CNOT9: variants seen among roughly 807,000 people sequenced by gnomAD.
The protein encoded by CNOT9 is CCR4-NOT transcription complex subunit 9.
In CNOT9, 8 loss-of-function variants were observed where a neutral mutation model predicts 37.4. The observed-to-expected ratio is 0.21, with a 90% CI of 0.13 to 0.39. The LOEUF (loss-of-function observed/expected upper bound fraction) is 0.39, where lower values mean the gene tolerates loss of function less well. CNOT9 is among the 10% of genes least tolerant of loss of function. CNOT9 has a pLI of 1.00. For missense variants in CNOT9, 154 were observed against 365.3 expected, an observed-to-expected ratio of 0.42 and a Z score of 4.71; for synonymous variants, 120 against 137.6, an observed-to-expected ratio of 0.87 and a Z score of 0.90.
In CNOT9 at chr2:218,592,411, T is replaced by C. The variant is rs757349787; in HGVS notation, c.639+9T>C. 1.9e-6 allele frequency: 3 copies of C among 1,604,902 alleles called. No individual in the cohort carries two copies. Among genetic ancestry groups the C allele is most frequent in the Non-Finnish European group, 2.6e-6 (3 of 1,171,676 alleles). On this transcript the variant is annotated intron_variant, in intron 6 of 7. Transcript: ENST00000273064. This position sits in a 1 kb window ranked among gnomAD's most constrained non-coding sequence, Gnocchi z 4.1. ...ATGTTGCCATGATCTTGGTGAGTTCTTTCATCTATCCCCTTTACAACTACT... is the reference window on the plus strand; with the variant it reads ...ATGTTGCCATGATCTTGGTGAGTTCCTTCATCTATCCCCTTTACAACTACT...
chr2:218,593,878 T>A, intron 7 of CNOT9: 1 of 1,139,534 alleles, frequency 8.8e-7, no homozygotes, highest in Non-Finnish European at 1.2e-6. Context: ...ATTTTGCTTT[T>A]TCATGAAATT....
chr2:218,584,948 G>A (rs1694537892), intron 4 of CNOT9, among the ~76,000 whole-genome samples: 2 of 152,154 alleles, frequency 1.3e-5, no homozygotes, highest in Admixed American at 1.3e-4. Context: ...ATTAAATTCA[G>A]CATATATGTG....
At chr2:218,569,678 G>C (rs1202449697) in intron 1 of CNOT9, among the ~76,000 whole-genome samples, 1 of 152,102 alleles carries the variant, frequency 6.6e-6, no homozygotes, top group Non-Finnish European at 1.5e-5. Context: ...TGCTCCTAAA[G>C]CTTCAGCTAC....
At chr2:218,593,651 C>A in intron 7 of CNOT9, 1 of 1,335,452 alleles carries the variant, frequency 7.5e-7, no homozygotes, top group Non-Finnish European at 9.7e-7. Context: ...GGTTTTTAAC[C>A]ATAAAACTGA....
intron 1 of CNOT9, among the ~76,000 whole-genome samples, chr2:218,579,473 G>C (rs1025342186): frequency 2.0e-5 from 3 of 152,060 alleles, no homozygotes; most frequent in African/African-American, 7.2e-5. Flanking sequence ...CTTAGTGAGA[G>C]ATACTTGTTT....
At position 218,592,558 on chromosome 2, in the gene CNOT9, A is replaced by T; in HGVS notation, c.640-58A>T. 6.4e-7 allele frequency: 1 copy of T among 1,564,458 alleles called. No homozygotes were observed. ...CTATCTGATCTCTGATGTCAATTAGAATTTGTTTGTGTTTTGTGTGTTTTT... is the reference window on the plus strand; with the variant it reads ...CTATCTGATCTCTGATGTCAATTAGTATTTGTTTGTGTTTTGTGTGTTTTT... On this transcript the variant is annotated intron_variant, in intron 6 of 7. Transcript: ENST00000273064. This position sits in a 1 kb window ranked among gnomAD's most constrained non-coding sequence, Gnocchi z 4.1.
Position 218,580,733 on chromosome 2 carries a change from T to G in CNOT9, c.197T>G (p.Leu66Arg). Reference protein sequence around the residue: ...LWHSFGTIAALLQEIVNIYPS... With the variant: ...LWHSFGTIAARLQEIVNIYPS... ...CATTCATTTGGTACTATTGCAGCAC[T>G]TTTACAGGTGGGTTCATGTCCATGA... Residue 66 changes from leucine to arginine, a missense_variant, in exon 2 of 8, where the codon CTT (leucine) becomes CGT (arginine). Physicochemically the swap from Leu to Arg is moderately radical, Grantham distance 102. Coordinates refer to ENST00000273064, the MANE Select transcript of CNOT9 (RefSeq NM_005444.3). 1 of 1,613,200 alleles carries G rather than the reference T, an allele frequency of 6.2e-7. No homozygotes were observed. The highest frequency in any genetic ancestry group is 8.5e-7 in the Non-Finnish European group (1 of 1,179,484).
At chr2:218,584,309 G>C (rs1162005313) in intron 3 of CNOT9, among the ~76,000 whole-genome samples, 1 of 152,160 alleles carries the variant, frequency 6.6e-6, no homozygotes, top group Non-Finnish European at 1.5e-5. Context: ...GGACTGTCCT[G>C]TGCATTGTAG....
intron 1 of CNOT9, chr2:218,572,851 T>C (rs777651332): frequency 9.1e-5 from 23 of 253,184 alleles, no homozygotes; most frequent in Non-Finnish European, 1.2e-4. Flanking sequence ...TTTACATCTT[T>C]TTATTGAAGC....
Position 218,594,354 on chromosome 2 carries a change from TA to T in CNOT9, c.*79del. ...CCTACGAGAAAAACAGCTCAGGTTT[TA>T]TCACCGACTGGGAATAGACAACCTC... On this transcript the variant is annotated 3_prime_UTR_variant, in exon 8 of 8. Coordinates refer to ENST00000273064, the MANE Select transcript of CNOT9 (RefSeq NM_005444.3). The T allele has an allele frequency of 6.9e-7, 1 of 1,446,454 alleles. No individual in the cohort carries two copies. The highest frequency in any genetic ancestry group is 9.4e-7 in the Non-Finnish European group (1 of 1,065,264). 89.6% of individuals were successfully genotyped at this position (1,446,454 alleles called of 1,614,324 possible).
chr2:218,569,373 G>A (rs1248969753), intron 1 of CNOT9, among the ~76,000 whole-genome samples: 5 of 152,204 alleles, frequency 3.3e-5, no homozygotes, highest in African/African-American at 4.8e-5. Flanking sequence ...GTCGCAGCGG[G>A]AAGGAAATGG....
At chr2:218,581,125 T>G in intron 2 of CNOT9, 1 of 314,420 alleles carries the variant, frequency 3.2e-6, no homozygotes, top group Non-Finnish European at 6.2e-6. Flanking sequence ...GTACAATATA[T>G]TCTATGGAAA....
Position 218,594,298 on chromosome 2 carries a change from T to C in CNOT9, c.*22T>C. 1.3e-6 allele frequency: 2 copies of C among 1,587,260 alleles called. No homozygotes were observed. The highest frequency in any genetic ancestry group is 1.7e-6 in the Non-Finnish European group (2 of 1,165,720). On this transcript the variant is annotated 3_prime_UTR_variant, in exon 8 of 8. Coordinates refer to ENST00000273064, the MANE Select transcript of CNOT9 (RefSeq NM_005444.3). ...GTGATCCTTCCCTGTTCCCTCCCAC[T>C]ACTCCCCCAAGTTGGGGAAAGGAGG...
chr2:218,585,009 A>G (rs1442317180), intron 4 of CNOT9, among the ~76,000 whole-genome samples: 9 of 152,296 alleles, frequency 5.9e-5, no homozygotes, highest in African/African-American at 1.2e-4. Context: ...ACTTGATTCA[A>G]TATATAAAGA....
chr2:218,592,310 A>G lies in CNOT9; in HGVS notation c.547A>G (p.Thr183Ala). The G allele has an allele frequency of 6.2e-7, 1 of 1,612,708 alleles. No homozygotes were observed. The highest frequency in any genetic ancestry group is 8.5e-7 in the Non-Finnish European group (1 of 1,179,266). ...CGATTTTGTTTTGCTTCAGGTTGCC[A>G]CATTCATCCTCCAGAAGATCTTGTT... is the stretch of plus-strand genomic sequence containing the variant. ...SGSELSKTVA[T>A]FILQKILLDD... The change falls in exon 6 of 8, where the codon ACA (threonine) becomes GCA (alanine). Residue 183 changes from threonine to alanine, a missense_variant. By Grantham distance (58) the Thr-to-Ala change is moderately conservative (BLOSUM62 0). This residue lies in a region of CNOT9 where 117 missense variants were observed against 325.4 expected (regional missense o/e 0.36). Coordinates refer to ENST00000273064, the MANE Select transcript of CNOT9 (RefSeq NM_005444.3). The surrounding 1 kb of genome is among the most constrained non-coding windows in gnomAD (Gnocchi z 4.1).
At chr2:218,591,260 C>T (rs1694766057) in intron 5 of CNOT9, among the ~76,000 whole-genome samples, 1 of 152,072 alleles carries the variant, frequency 6.6e-6, no homozygotes, top group Admixed American at 6.6e-5. Flanking sequence ...GTATCATTAT[C>T]GTGATTGTCT....
chr2:218,573,897 A>G (rs1694079865), intron 1 of CNOT9: 2 of 298,368 alleles, frequency 6.7e-6, no homozygotes, highest in Admixed American at 4.4e-5. Context: ...GAGAGTTACC[A>G]CCTAAATTTT....
chr2:218,583,569 A>G (rs1255267878), intron 3 of CNOT9, among the ~76,000 whole-genome samples: 1 of 152,124 alleles, frequency 6.6e-6, no homozygotes, highest in East Asian at 1.9e-4. Context: ...AAGTTAAAAT[A>G]TTTTTGCCAC....
chr2:218,569,183 G>A (rs1693859369), intron 1 of CNOT9, among the ~76,000 whole-genome samples: 1 of 152,214 alleles, frequency 6.6e-6, no homozygotes, highest in South Asian at 2.1e-4. Context: ...GCGGCCTTCA[G>A]CGCGACCCAT....
Sources: gnomAD v4.1 joint callset for allele counts (sites outside exome capture counted in the v4.1 genomes callset) on GRCh38, gnomAD v4.1.1 for gene constraint, gnomAD v4.1.1 regional missense constraint, Gnocchi (gnomAD v3.1) non-coding constraint, MANE v1.5 for transcripts, NCBI Gene and HGNC (gene_info 2026-07-23, HGNC 2026-07-21) for gene names.